Variants in ICE2 observed in about 807,000 individuals in gnomAD.
ICE2 encodes little elongation complex subunit 2.
A neutral mutation model predicts 105.4 loss-of-function variants in ICE2; 87 were observed. The ratio of observed to expected loss-of-function variants is 0.83; its 90% CI spans 0.69 to 0.99. ICE2 has a LOEUF of 0.99. ICE2 is among the 50% of genes least tolerant of loss of function. The pLI is 0.00. For missense variants in ICE2, 1,323 were observed against 1,146.7 expected, an observed-to-expected ratio of 1.15 and a Z score of -2.22; for synonymous variants, 399 against 392.0, an observed-to-expected ratio of 1.02 and a Z score of -0.21.
intron 2 of ICE2, among the ~76,000 whole-genome samples, chr15:60,476,578 T>C (rs1260665514): frequency 6.6e-6 from 1 of 152,256 alleles, no homozygotes; most frequent in Admixed American, 6.5e-5. Context: ...TTTTGTTTCA[T>C]GCACTACTGT....
rs372139027 is a variant in ICE2 at position 60,468,254 on chromosome 15, G to A, written c.215C>T (p.Thr72Ile). Residue 72 changes from threonine to isoleucine, a missense_variant, in exon 4 of 16, where the codon ACT (threonine) becomes ATT (isoleucine). Transcript: ENST00000261520. ...GGTTTTAACTTTTTCCTTTGCTTGAGTTGCTGAACTAACTGCCGGCTCATT... is the reference window on the plus strand; with the variant it reads ...GGTTTTAACTTTTTCCTTTGCTTGAATTGCTGAACTAACTGCCGGCTCATT... ...VENEPAVSSA[T>I]QAKEKVKTTI... 2 of 1,613,446 alleles carry A rather than the reference G, an allele frequency of 1.2e-6. No individual in the cohort carries two copies. The highest frequency in any genetic ancestry group is 1.3e-5 in the African/African-American group (1 of 74,930).
Position 60,431,965 on chromosome 15 carries a change from T to C in ICE2, c.2530A>G (p.Ile844Val). 2 of 1,422,130 alleles carry C rather than the reference T, an allele frequency of 1.4e-6. No homozygotes were observed. The highest frequency in any genetic ancestry group is 9.8e-7 in the Non-Finnish European group (1 of 1,021,600). 88.1% of individuals were successfully genotyped at this position (1,422,130 alleles called of 1,614,324 possible). A position where few individuals can be genotyped will look rare whatever the true frequency, so the allele number is the denominator to read the frequency against. Residue 844 changes from isoleucine (I) to valine (V), a missense_variant, in exon 14 of 16, where the codon ATC (isoleucine) becomes GTC (valine). Ile to Val is a conservative substitution (Grantham distance 29). Coordinates refer to ENST00000261520, the MANE Select transcript of ICE2 (RefSeq NM_024611.6). ...SALKISNLFN[I>V]LQHILKKLSS... ...AGTTTCTTTAGAATGTGTTGGAGGATGTTAAATAAATTGGAAATCCTGATA... is the reference window on the plus strand; with the variant it reads ...AGTTTCTTTAGAATGTGTTGGAGGACGTTAAATAAATTGGAAATCCTGATA...
chr15:60,466,537 G>C, intron 5 of ICE2, 57 bp downstream of exon 5: 3 of 1,587,340 alleles, frequency 1.9e-6, no homozygotes, highest in Non-Finnish European at 2.6e-6. Flanking sequence ...ACATATTTCA[G>C]AATGCTGCTA....
chr15:60,460,250 T>C (rs548681514), intron 5 of ICE2, among the ~76,000 whole-genome samples: 1 of 152,248 alleles, frequency 6.6e-6, no homozygotes, highest in South Asian at 2.1e-4. Flanking sequence ...TCCCAACACT[T>C]TGAGAGGCCA....
intron 9 of ICE2, chr15:60,451,986 G>T: frequency 1.7e-6 from 1 of 586,174 alleles, no homozygotes. Context: ...TTTAATATTT[G>T]TCCAGCTTTT....
chr15:60,475,110 G>A (rs750706898), intron 3 of ICE2, among the ~76,000 whole-genome samples: 10 of 152,186 alleles, frequency 6.6e-5, no homozygotes, highest in Admixed American at 5.2e-4. Flanking sequence ...AAGGAGAAAC[G>A]AAGAAAGTAA....
chr15:60,456,784 C>T lies in ICE2; in HGVS notation c.539G>A (p.Arg180Lys). 6.8e-7 allele frequency: 1 copy of T among 1,479,562 alleles called. No individual in the cohort carries two copies. Among genetic ancestry groups the T allele is most frequent in the Non-Finnish European group, 9.0e-7 (1 of 1,113,334 alleles). 91.7% of individuals were successfully genotyped at this position (1,479,562 alleles called of 1,614,324 possible). Residue 180 changes from arginine (R) to lysine (K), a missense_variant, in exon 6 of 16, where the codon AGA becomes AAA. Coordinates refer to ENST00000261520, the MANE Select transcript of ICE2 (RefSeq NM_024611.6). ...DARLFTEKIL[R>K]ACIEQVKKYS... ...CTTTTTCACTTGTTCAATGCAAGCT[C>T]TTAAAATTTTCTGAGAAACAGAAAT...
chr15:60,430,776 A>T, intron 14 of ICE2, among the ~76,000 whole-genome samples: 1 of 152,230 alleles, frequency 6.6e-6, no homozygotes, highest in Admixed American at 6.5e-5. Context: ...TAAGAGAAGG[A>T]ATGCAAACAT....
intron 9 of ICE2, chr15:60,452,966 G>A: frequency 1.0e-6 from 1 of 985,246 alleles, no homozygotes; most frequent in Non-Finnish European, 1.2e-6. Flanking sequence ...TGCAGTGGCT[G>A]ACGCCTGTAA....
chr15:60,432,181 CTTTTTTTTTTT>C (rs35081421), intron 13 of ICE2, among the ~76,000 whole-genome samples, 197 bp from the exon 14 acceptor site: 12 of 110,646 alleles, frequency 1.1e-4, no homozygotes, highest in African/African-American at 3.8e-4. Flanking sequence ...AAAAAATTTC[CTTTTTTTTTTT>C]TTTTTTTTTG....
intron 15 of ICE2, among the ~76,000 whole-genome samples, chr15:60,424,547 C>T (rs2063298974): frequency 6.6e-6 from 1 of 152,126 alleles, no homozygotes; most frequent in Admixed American, 6.5e-5. Flanking sequence ...CGCTCTGTCA[C>T]CCAGGCTGGA....
intron 9 of ICE2, chr15:60,451,316 G>A (rs2063961061): frequency 1.2e-6 from 1 of 858,564 alleles, no homozygotes. Flanking sequence ...GAATCCAAAG[G>A]GCATTTCAAA....
chr15:60,451,164 T>C (rs538820541), intron 9 of ICE2: 8 of 736,374 alleles, frequency 1.1e-5, no homozygotes, highest in Non-Finnish European at 1.3e-5. Context: ...ACAATTATAC[T>C]AAGTCAATGA....
intron 4 of ICE2, 148 bp downstream of exon 4, chr15:60,467,913 G>GC: frequency 1.5e-6 from 1 of 674,858 alleles, no homozygotes; most frequent in East Asian, 3.0e-5. Flanking sequence ...ACCAACAAAA[G>GC]AATTAAAGCA....
Position 60,448,828 on chromosome 15 carries a change from CTT to C in ICE2, c.2119+18_2119+19del, listed in dbSNP as rs769856385. ...AAGAACAAGTAAAACACTGTAAGCT[CTT>C]TGTAAATATTTACTTACGTCCTTTT... On this transcript the variant is annotated intron_variant, in intron 10 of 15. Transcript: ENST00000261520. The C allele has an allele frequency of 6.4e-7, 1 of 1,555,678 alleles. No homozygotes were observed. Among genetic ancestry groups the C allele is most frequent in the African/African-American group, 1.4e-5 (1 of 72,312 alleles).
chr15:60,461,439 T>C (rs1032474423), intron 5 of ICE2, among the ~76,000 whole-genome samples: 1 of 152,216 alleles, frequency 6.6e-6, no homozygotes, highest in African/African-American at 2.4e-5. Context: ...GTAATTTTTA[T>C]ATGTAAATTA....
rs370631333 is a variant in ICE2 at position 60,432,113 on chromosome 15, A to G, written c.2511-129T>C. 190 of 272,198 alleles carry G rather than the reference A, an allele frequency of 7.0e-4. 3 individuals carry two copies. The African/African-American group carries it at 0.014, about 20-fold the overall frequency. The allele number at this position is 272,198 out of a possible 1,614,324, so 16.9% of individuals were successfully genotyped here. A position where few individuals can be genotyped will look rare whatever the true frequency, so the allele number is the denominator to read the frequency against. The stretch of plus-strand genomic sequence containing the variant: ...ACAGCGGATGAGATAATGTAATACA[A>G]AAAATCTGAAACTTATTTCTATTTG... On this transcript the variant is annotated intron_variant, in intron 13 of 15. Coordinates refer to ENST00000261520, the MANE Select transcript of ICE2 (RefSeq NM_024611.6).
chr15:60,433,375 C>T (rs992931817), intron 13 of ICE2, among the ~76,000 whole-genome samples: 3 of 151,288 alleles, frequency 2.0e-5, no homozygotes, highest in Non-Finnish European at 3.0e-5. Context: ...CATGAGCTAC[C>T]GCACCCGGCC....
At chr15:60,430,305 G>C (rs1005242158) in intron 14 of ICE2, among the ~76,000 whole-genome samples, 3 of 152,168 alleles carry the variant, frequency 2.0e-5, no homozygotes, top group Non-Finnish European at 2.9e-5. Context: ...GCCTCTAGAA[G>C]CTACAAAAGG....
Sources: gnomAD v4.1 joint callset for allele counts (sites outside exome capture counted in the v4.1 genomes callset) on GRCh38, gnomAD v4.1.1 for gene constraint, MANE v1.5 for transcripts, NCBI Gene and HGNC (gene_info 2026-07-23, HGNC 2026-07-21) for gene names.